Variants in LRRC4C observed in about 807,000 individuals in gnomAD.
The protein encoded by LRRC4C is leucine-rich repeat-containing protein 4C.
A neutral mutation model predicts 33.6 loss-of-function variants in LRRC4C; 5 were observed. That is an observed-to-expected ratio of 0.15 (90% CI 0.08 to 0.31). The LOEUF (loss-of-function observed/expected upper bound fraction) is 0.31, where lower values mean the gene tolerates loss of function less well. Ranked by LOEUF, LRRC4C falls within the 10% of genes least tolerant of loss-of-function variation. The pLI, the probability that LRRC4C is intolerant of heterozygous loss-of-function variation, is 1.00. For missense variants in LRRC4C, 560 were observed against 796.7 expected (o/e 0.70, Z 3.58); for synonymous variants, 329 against 302.0 (o/e 1.09, Z -0.93).
intron 2 of LRRC4C, among the ~76,000 whole-genome samples, chr11:40,898,366 A>AAAAAAAAAAAAAAAAG (rs1554991246): frequency 5.1e-5 from 6 of 117,366 alleles, no homozygotes; most frequent in East Asian, 5.2e-4. Flanking sequence ...AAAAAAAAAA[A>AAAAAAAAAAAAAAAAG]AAAAAAGAAA....
chr11:40,300,800 G>A (rs1944738054), intron 4 of LRRC4C, among the ~76,000 whole-genome samples: 1 of 152,160 alleles, frequency 6.6e-6, no homozygotes, highest in Non-Finnish European at 1.5e-5. Flanking sequence ...TTGAAATTCT[G>A]TGAAGTTTTT....
At chr11:40,370,012 A>T (rs2137249986) in intron 3 of LRRC4C, among the ~76,000 whole-genome samples, 1 of 152,284 alleles carries the variant, frequency 6.6e-6, no homozygotes, top group South Asian at 2.1e-4. Context: ...AGAAGAAAAA[A>T]TTATTTTAAA....
intron 1 of LRRC4C, among the ~76,000 whole-genome samples, chr11:41,014,426 G>C (rs1328676697): frequency 6.6e-6 from 1 of 151,448 alleles, no homozygotes; most frequent in East Asian, 1.9e-4. Context: ...GCAATAAATG[G>C]TACCAAGAGC....
At chr11:40,527,842 G>A (rs970139132) in intron 3 of LRRC4C, among the ~76,000 whole-genome samples, 2 of 151,838 alleles carry the variant, frequency 1.3e-5, no homozygotes, top group African/African-American at 2.4e-5. Context: ...TCCACCTCCC[G>A]GGTTCAAGCA....
chr11:41,068,873 C>T (rs962440488), intron 1 of LRRC4C, among the ~76,000 whole-genome samples: 1 of 152,092 alleles, frequency 6.6e-6, no homozygotes, highest in African/African-American at 2.4e-5. Context: ...CCTTCTGAAA[C>T]TATTTGAAAC....
intron 1 of LRRC4C, among the ~76,000 whole-genome samples, chr11:41,116,459 C>A (rs1942130498): frequency 6.6e-6 from 1 of 151,968 alleles, no homozygotes; most frequent in Non-Finnish European, 1.5e-5. Flanking sequence ...ATTGGCTGAT[C>A]CTAGAACAGA....
intron 2 of LRRC4C, among the ~76,000 whole-genome samples, chr11:40,653,365 G>T (rs7126327): frequency 0.37 from 56,535 of 152,022 alleles, 11,686 homozygotes; most frequent in East Asian, 0.61. Flanking sequence ...ACCAGGTTGA[G>T]GTGGTCTCAA....
chr11:40,217,292 G>C (rs922523219), intron 5 of LRRC4C, among the ~76,000 whole-genome samples: 1 of 151,856 alleles, frequency 6.6e-6, no homozygotes, highest in African/African-American at 2.4e-5. Context: ...TATAGCTAAG[G>C]AAATTAAAGT....
At chr11:40,173,767 G>A (rs1445030319) in intron 5 of LRRC4C, among the ~76,000 whole-genome samples, 3 of 152,160 alleles carry the variant, frequency 2.0e-5, no homozygotes, top group Non-Finnish European at 4.4e-5. Context: ...ATAGTACATA[G>A]TTTCTGTCTC....
intron 2 of LRRC4C, among the ~76,000 whole-genome samples, chr11:40,907,671 T>C (rs1175321640): frequency 6.6e-6 from 1 of 152,194 alleles, no homozygotes; most frequent in African/African-American, 2.4e-5. Context: ...TCTCTACAGC[T>C]TGTTCCTTGT....
At chr11:40,417,316 C>A (rs1450889047) in intron 3 of LRRC4C, among the ~76,000 whole-genome samples, 1 of 127,532 alleles carries the variant, frequency 7.8e-6, no homozygotes, top group Non-Finnish European at 1.8e-5. Flanking sequence ...ATATGAGAGA[C>A]ATGATTTTTT....
intron 2 of LRRC4C, among the ~76,000 whole-genome samples, chr11:40,908,920 G>T (rs1169378921): frequency 6.6e-6 from 1 of 152,102 alleles, no homozygotes; most frequent in Non-Finnish European, 1.5e-5. Context: ...GGTATTACGG[G>T]TGCATTACCT....
intron 1 of LRRC4C, among the ~76,000 whole-genome samples, chr11:41,162,547 G>T (rs1039120050): frequency 6.6e-6 from 1 of 152,096 alleles, no homozygotes; most frequent in African/African-American, 2.4e-5. Context: ...ATACGCCTAG[G>T]CTATATGGTA....
intron 1 of LRRC4C, among the ~76,000 whole-genome samples, chr11:41,199,125 G>A (rs1946302409): frequency 6.6e-6 from 1 of 152,096 alleles, no homozygotes; most frequent in South Asian, 2.1e-4. Flanking sequence ...CTCTGTGAAA[G>A]TATACTAAAT....
At chr11:40,835,843 A>T (rs1952645571) in intron 2 of LRRC4C, among the ~76,000 whole-genome samples, 1 of 152,224 alleles carries the variant, frequency 6.6e-6, no homozygotes, top group African/African-American at 2.4e-5. Context: ...TCCGTCAGCA[A>T]GAAGCAGTAA....
At chr11:40,845,787 G>A (rs573001954) in intron 2 of LRRC4C, among the ~76,000 whole-genome samples, 26 of 152,080 alleles carry the variant, frequency 1.7e-4, no homozygotes, top group Middle Eastern at 3.4e-3. Flanking sequence ...ACTAATTTAC[G>A]CTACCATCAA....
At chr11:41,304,726 A>C (rs1359464135) in intron 1 of LRRC4C, among the ~76,000 whole-genome samples, 2 of 30,606 alleles carry the variant, frequency 6.5e-5, no homozygotes, top group Non-Finnish European at 1.2e-4. Flanking sequence ...AGGTGGGGGT[A>C]TCAGCCCCCC....
At chr11:40,352,311 C>T (rs529408808) in intron 3 of LRRC4C, among the ~76,000 whole-genome samples, 39 of 151,912 alleles carry the variant, frequency 2.6e-4, no homozygotes, top group African/African-American at 8.9e-4. Context: ...ATCCTATAAA[C>T]CATTATTTTA....
At chr11:40,118,383 A>G (rs1855590325) in intron 6 of LRRC4C, among the ~76,000 whole-genome samples, 1 of 151,990 alleles carries the variant, frequency 6.6e-6, no homozygotes, top group Non-Finnish European at 1.5e-5. Context: ...GTGGGCATAT[A>G]AGGATGAGGA....
Sources: gnomAD v4.1 joint callset for allele counts (sites outside exome capture counted in the v4.1 genomes callset) on GRCh38, gnomAD v4.1.1 for gene constraint, MANE v1.5 for transcripts, NCBI Gene and HGNC (gene_info 2026-07-23, HGNC 2026-07-21) for gene names.